The following SAMD7 variants were observed in gnomAD, a reference collection of about 807,000 sequenced individuals.
SAMD7 encodes sterile alpha motif domain-containing protein 7.
A neutral mutation model predicts 36.7 loss-of-function variants in SAMD7; 34 were observed. That is an observed-to-expected ratio of 0.93 (90% CI 0.71 to 1.23). The LOEUF is 1.23. Among genes scored for constraint, SAMD7 ranks in the 50% most tolerant of loss-of-function variants. The pLI is 0.00. For missense variants in SAMD7, 570 were observed against 546.6 expected, an observed-to-expected ratio of 1.04 and a Z score of -0.43; for synonymous variants, 188 against 189.7, an observed-to-expected ratio of 0.99 and a Z score of 0.07.
chr3:169,924,186 A>G (rs967098625), intron 4 of SAMD7, among the ~76,000 whole-genome samples: 1 of 152,018 alleles, frequency 6.6e-6, no homozygotes, highest in African/African-American at 2.4e-5. Flanking sequence ...TTGATTTTAC[A>G]GATAACAAAG....
At position 169,937,890 on chromosome 3, in the gene SAMD7, A is replaced by G. The variant is rs1044455644; in HGVS notation, c.1153-428A>G. 8.1e-4 allele frequency among the ~76,000 whole-genome samples: 124 copies of G among 152,306 alleles called. 1 individual carries two copies. Among genetic ancestry groups the G allele is most frequent in the Admixed American group, 8.1e-3 (124 of 15,298 alleles). On this transcript the variant is annotated intron_variant, in intron 8 of 8. Coordinates refer to ENST00000335556, the MANE Select transcript of SAMD7 (RefSeq NM_001304366.2). ...CCTTGCCCACCCAGAGTTGATTCAC[A>G]AAACAGTAAAAGTGGTCCTTTTAAT...
chr3:169,930,302 G>A (rs1055581836), intron 7 of SAMD7, among the ~76,000 whole-genome samples: 7 of 152,086 alleles, frequency 4.6e-5, no homozygotes, highest in East Asian at 3.9e-4. Flanking sequence ...TTCTAGATAC[G>A]TCTCAAATTT....
chr3:169,937,024 C>T (rs1035687108), intron 8 of SAMD7, among the ~76,000 whole-genome samples: 3 of 151,950 alleles, frequency 2.0e-5, no homozygotes, highest in Non-Finnish European at 2.9e-5. Context: ...AAGTGATGAG[C>T]CTTAAGCATA....
chr3:169,913,903 T>C (rs75046010), intron 1 of SAMD7, among the ~76,000 whole-genome samples: 3,360 of 152,280 alleles, frequency 0.022, 54 homozygotes, highest in Non-Finnish European at 0.032. Flanking sequence ...ACCTGGCTGA[T>C]GAAGGGAAAG....
intron 7 of SAMD7, among the ~76,000 whole-genome samples, chr3:169,931,084 T>C (rs960090688): frequency 6.6e-6 from 1 of 152,104 alleles, no homozygotes; most frequent in South Asian, 2.1e-4. Flanking sequence ...CAAGTGCAAA[T>C]GAACTCTTTT....
At position 169,938,675 on chromosome 3, in the gene SAMD7, G is replaced by GA; in HGVS notation, c.*171dup. ...CCCAAGGGGCTTCCCTGCCAGGGCT[G>GA]AATGACCCCAGCACCAAATGACTGG... On this transcript the variant is annotated 3_prime_UTR_variant, in exon 9 of 9. Transcript: ENST00000335556. The GA allele has an allele frequency of 3.7e-6, 2 of 538,518 alleles. No homozygotes were observed. The highest frequency in any genetic ancestry group is 6.9e-5 in the Admixed American group (2 of 28,900). The allele number at this position is 538,518 out of a possible 1,614,324, so 33.4% of individuals were successfully genotyped here. A position where few individuals can be genotyped will look rare whatever the true frequency, so the allele number is the denominator to read the frequency against.
chr3:169,925,917 C>T (rs1308509114), intron 5 of SAMD7, among the ~76,000 whole-genome samples: 1 of 151,964 alleles, frequency 6.6e-6, no homozygotes, highest in African/African-American at 2.4e-5. Context: ...CAGATTATGC[C>T]ATCAGAACTC....
At chr3:169,935,910 C>T (rs1713697816) in intron 7 of SAMD7, among the ~76,000 whole-genome samples, 2 of 152,242 alleles carry the variant, frequency 1.3e-5, no homozygotes, top group Admixed American at 6.5e-5. Flanking sequence ...GCAGATACCA[C>T]ATCTGTAAAT....
intron 4 of SAMD7, 143 bp from the exon 5 acceptor site, chr3:169,924,915 T>C: frequency 1.7e-6 from 1 of 579,000 alleles, no homozygotes. Flanking sequence ...AATGATCTGA[T>C]ACCATTTCCA....
intron 1 of SAMD7, among the ~76,000 whole-genome samples, chr3:169,914,316 G>C (rs1174093099): frequency 1.3e-5 from 2 of 152,154 alleles, no homozygotes; most frequent in African/African-American, 4.8e-5. Flanking sequence ...CATGAAAACA[G>C]GCACAAAAGA....
chr3:169,924,168 C>A (rs1713161688), intron 4 of SAMD7, among the ~76,000 whole-genome samples: 1 of 151,748 alleles, frequency 6.6e-6, no homozygotes, highest in Non-Finnish European at 1.5e-5. Context: ...ATCACTTCAT[C>A]TAACTCCTTG....
chr3:169,927,625 A>G (rs1358483849), intron 6 of SAMD7, among the ~76,000 whole-genome samples: 3 of 152,024 alleles, frequency 2.0e-5, no homozygotes, highest in Non-Finnish European at 4.4e-5. Context: ...CCTGCTTGGA[A>G]TTACCTTCTC....
At chr3:169,935,367 T>C (rs1278469056) in intron 7 of SAMD7, among the ~76,000 whole-genome samples, 1 of 152,196 alleles carries the variant, frequency 6.6e-6, no homozygotes, top group East Asian at 1.9e-4. Context: ...CCACAGTATA[T>C]GTGGAGAGAT....
chr3:169,917,625 GTTTATTTATTTA>G (rs61311120), intron 2 of SAMD7, among the ~76,000 whole-genome samples: 8 of 146,028 alleles, frequency 5.5e-5, no homozygotes, highest in Non-Finnish European at 6.0e-5. Flanking sequence ...TTATTTGTTT[GTTTATTTATTTA>G]TTTATTTATT....
chr3:169,935,281 G>C (rs1713678664), intron 7 of SAMD7, among the ~76,000 whole-genome samples: 1 of 152,174 alleles, frequency 6.6e-6, no homozygotes, highest in African/African-American at 2.4e-5. Context: ...CAATGGGAAA[G>C]AGCCAGCAGA....
intron 8 of SAMD7, among the ~76,000 whole-genome samples, chr3:169,937,610 AG>A (rs1170372065): frequency 1.3e-5 from 2 of 152,202 alleles, no homozygotes; most frequent in Non-Finnish European, 2.9e-5. Context: ...ATGGCTGCAT[AG>A]TATTCCATGG....
At chr3:169,913,464 G>A (rs1414425885) in intron 1 of SAMD7, among the ~76,000 whole-genome samples, 1 of 152,174 alleles carries the variant, frequency 6.6e-6, no homozygotes, top group African/African-American at 2.4e-5. Flanking sequence ...GCCCTAATCA[G>A]TTGAGACAGA....
intron 7 of SAMD7, among the ~76,000 whole-genome samples, chr3:169,930,520 G>C (rs964208753): frequency 1.3e-5 from 2 of 151,390 alleles, no homozygotes; most frequent in African/African-American, 4.9e-5. Context: ...TCACAAGGAC[G>C]CTTGTCTAAA....
chr3:169,936,489 C>A, intron 8 of SAMD7, 40 bp downstream of exon 8: 1 of 1,046,290 alleles, frequency 9.6e-7, no homozygotes, highest in Non-Finnish European at 1.5e-6. Context: ...ATTAATGGCA[C>A]AAAGCTTAAT....
Sources: allele counts gnomAD v4.1 joint callset (sites outside exome capture counted in the v4.1 genomes callset), GRCh38; gene constraint gnomAD v4.1.1; transcripts MANE v1.5; gene names NCBI Gene and HGNC (gene_info 2026-07-23, HGNC 2026-07-21).